Variants in PYY observed in about 807,000 individuals in gnomAD.
PYY encodes the protein peptide tyrosine tyrosine.
In PYY, 12 loss-of-function variants were observed where a neutral mutation model predicts 10.3. The ratio of observed to expected loss-of-function variants is 1.17; its 90% confidence interval spans 0.75 to 1.89. The LOEUF (loss-of-function observed/expected upper bound fraction) is 1.89. Ranked by LOEUF, PYY falls within the 40% of genes most tolerant of loss-of-function variation. The pLI, the probability that PYY is intolerant of heterozygous loss-of-function variation, is 0.00. For synonymous variants in PYY, 66 were observed against 62.0 expected, an observed-to-expected ratio of 1.06 and a Z score of -0.30; for missense variants, 141 against 134.0, an observed-to-expected ratio of 1.05 and a Z score of -0.26.
At chr17:44,003,383 G>A (rs1052410978) in intron 1 of PYY, among the ~76,000 whole-genome samples, 29 of 152,176 alleles carry the variant, frequency 1.9e-4, no homozygotes, top group Non-Finnish European at 3.5e-4. Context: ...AGGGCCGGGC[G>A]TGGTGGCTCA....
chr17:44,003,783 G>A (rs565696870), intron 1 of PYY, among the ~76,000 whole-genome samples: 4 of 151,386 alleles, frequency 2.6e-5, no homozygotes, highest in African/African-American at 7.3e-5. Flanking sequence ...AGGAGTTCAC[G>A]AACAGTCTGG....
intron 1 of PYY, among the ~76,000 whole-genome samples, chr17:43,972,620 G>A (rs763446423): frequency 3.1e-4 from 47 of 151,880 alleles, no homozygotes; most frequent in African/African-American, 9.4e-4. Context: ...CCTTGAACTC[G>A]TGAGCTCAAA....
chr17:43,973,353 G>A (rs940011776), intron 1 of PYY, among the ~76,000 whole-genome samples: 1 of 152,074 alleles, frequency 6.6e-6, no homozygotes, highest in African/African-American at 2.4e-5. Flanking sequence ...TCGTTGTGGA[G>A]GAAAAGTTAA....
chr17:43,977,486 G>A (rs539528740), intron 1 of PYY, among the ~76,000 whole-genome samples: 1 of 152,152 alleles, frequency 6.6e-6, no homozygotes, highest in Non-Finnish European at 1.5e-5. Flanking sequence ...CCCCAGCTGG[G>A]AACACGCTGC....
intron 1 of PYY, among the ~76,000 whole-genome samples, chr17:43,971,569 C>CAAA (rs376423274): frequency 2.9e-5 from 3 of 105,190 alleles, no homozygotes; most frequent in Admixed American, 1.1e-4. Context: ...GGCTCTGTCT[C>CAAA]AAAAAAAAAA....
chr17:43,974,574 G>C (rs1160448142), intron 1 of PYY, among the ~76,000 whole-genome samples: 1 of 152,180 alleles, frequency 6.6e-6, no homozygotes, highest in Non-Finnish European at 1.5e-5. Context: ...TAGGAGGATT[G>C]AATGAAATAA....
intron 1 of PYY, among the ~76,000 whole-genome samples, chr17:43,996,276 G>T (rs2048991738): frequency 6.6e-6 from 1 of 152,150 alleles, no homozygotes; most frequent in Non-Finnish European, 1.5e-5. Flanking sequence ...CGTGGAGAGA[G>T]AGAGAGAGAT....
At chr17:43,967,306 A>G (rs1288368981) in intron 1 of PYY, among the ~76,000 whole-genome samples, 1 of 152,132 alleles carries the variant, frequency 6.6e-6, no homozygotes, top group East Asian at 1.9e-4. Context: ...CTGTCTAAAA[A>G]AAGAAGAAGA....
intron 1 of PYY, among the ~76,000 whole-genome samples, chr17:43,991,302 GCAC>G (rs2048955527): frequency 6.6e-6 from 1 of 151,964 alleles, no homozygotes; most frequent in Middle Eastern, 3.2e-3. Flanking sequence ...ATTGTGGCAG[GCAC>G]CTGTAATCCC....
intron 1 of PYY, among the ~76,000 whole-genome samples, chr17:43,984,156 AG>A (rs920688643): frequency 3.1e-4 from 42 of 135,018 alleles, no homozygotes; most frequent in African/African-American, 1.1e-3. Context: ...GGTCGCTGTT[AG>A]GGGGGGCGCC....
intron 1 of PYY, among the ~76,000 whole-genome samples, chr17:44,003,647 T>G (rs1490418114): frequency 9.7e-6 from 1 of 102,880 alleles, no homozygotes. Flanking sequence ...AGGGTGGGAC[T>G]CCATCTCAAA....
chr17:43,976,970 G>A (rs1395962452), intron 1 of PYY, among the ~76,000 whole-genome samples: 1 of 151,988 alleles, frequency 6.6e-6, no homozygotes. Context: ...TCTTGCTCAT[G>A]TCTCTGCCAC....
chr17:43,987,100 C>A lies in PYY; in HGVS notation c.-463+17291G>T, dbSNP rs1405287382. On this transcript the variant is annotated intron_variant, in intron 1 of 6. Transcript: ENST00000360085. This position sits in a 1 kb window ranked among gnomAD's most constrained non-coding sequence, Gnocchi z 4.0. The stretch of plus-strand genomic sequence containing the variant: ...ACATTCCTCGGGCCCCTGTGTCCAC[C>A]CCTCCTCTGGTGGTCAGCACAGACA... Among the ~76,000 whole-genome samples, 22 of 152,076 alleles carry A rather than the reference C, an allele frequency of 1.4e-4. No homozygotes were observed. Among genetic ancestry groups the A allele is most frequent in the Admixed American group, 1.1e-3 (17 of 15,270 alleles).
intron 2 of PYY, among the ~76,000 whole-genome samples, chr17:43,959,818 G>A (rs2048699421): frequency 6.6e-6 from 1 of 152,284 alleles, no homozygotes; most frequent in Non-Finnish European, 1.5e-5. Flanking sequence ...GCTCCTGTTT[G>A]AATCCAAAAC....
chr17:43,963,571 A>AAAGAAAGAAAGG (rs2048728689), intron 2 of PYY, among the ~76,000 whole-genome samples: 1 of 28,576 alleles, frequency 3.5e-5, no homozygotes, highest in Non-Finnish European at 7.9e-5. Flanking sequence ...GAAGGAAGGA[A>AAAGAAAGAAAGG]AAGAAAGAAA....
In PYY at chr17:43,975,715, G is replaced by GAA. The variant is rs1173879627; in HGVS notation, c.-462-9185_-462-9184dup. 7.9e-3 allele frequency among the ~76,000 whole-genome samples: 537 copies of GAA among 67,684 alleles called. 135 individuals are homozygous for GAA. The highest frequency in any genetic ancestry group is 9.6e-3 in the Non-Finnish European group (363 of 37,700). The allele number at this position is 67,684 out of a possible 152,430, so 44.4% of individuals were successfully genotyped here. A position where few individuals can be genotyped will look rare whatever the true frequency, so the allele number is the denominator to read the frequency against. On this transcript the variant is annotated intron_variant, in intron 1 of 6. Transcript: ENST00000360085. Reference sequence around the variant, plus strand: ...GCCTGGGTGACAGGAGTAAGACCCTGAAAAAAAAAAATATATATATATATA... The same window carrying GAA: ...GCCTGGGTGACAGGAGTAAGACCCTGAAAAAAAAAAAAATATATATATATATA...
intron 1 of PYY, among the ~76,000 whole-genome samples, chr17:43,976,466 C>T (rs1418366235): frequency 6.9e-6 from 1 of 144,320 alleles, no homozygotes; most frequent in Non-Finnish European, 1.5e-5. Context: ...TATATATACA[C>T]ACACACACAT....
intron 1 of PYY, 147 bp downstream of exon 1, chr17:43,953,703 C>G: frequency 2.4e-6 from 1 of 413,722 alleles, no homozygotes; most frequent in Non-Finnish European, 4.3e-6. Context: ...CTCCCCACCC[C>G]CACCCCCGCT....
upstream of PYY, among the ~76,000 whole-genome samples, chr17:43,954,821 C>G (rs2048661323): frequency 6.6e-6 from 1 of 152,256 alleles, no homozygotes; most frequent in African/African-American, 2.4e-5. Flanking sequence ...GCTCTAAGCC[C>G]AGATCCTTTG....
Sources: allele counts gnomAD v4.1 joint callset (sites outside exome capture counted in the v4.1 genomes callset), GRCh38; gene constraint gnomAD v4.1.1; non-coding constraint Gnocchi (gnomAD v3.1); transcripts MANE v1.5; gene names NCBI Gene and HGNC (gene_info 2026-07-23, HGNC 2026-07-21).